ZPBP: variants seen among roughly 807,000 people sequenced by gnomAD.
ZPBP encodes the protein zona pellucida-binding protein 1.
A neutral mutation model predicts 44.8 loss-of-function variants in ZPBP; 26 were observed. That is an observed-to-expected ratio of 0.58 (90% CI 0.43 to 0.81). The LOEUF (loss-of-function observed/expected upper bound fraction) is 0.81. ZPBP is among the 30% of genes least tolerant of loss of function. The pLI, the probability that ZPBP is intolerant of heterozygous loss-of-function variation, is 0.00. For synonymous variants in ZPBP, 174 were observed against 153.2 expected, an observed-to-expected ratio of 1.14 and a Z score of -1.00; for missense variants, 409 against 434.0, an observed-to-expected ratio of 0.94 and a Z score of 0.51.
At chr7:49,966,534 A>T (rs1347917577) in intron 7 of ZPBP, among the ~76,000 whole-genome samples, 3 of 152,212 alleles carry the variant, frequency 2.0e-5, no homozygotes, top group Non-Finnish European at 4.4e-5. Context: ...CATAAAACAG[A>T]AATCTCGGGA....
At chr7:50,045,810 T>C (rs1480495046) in intron 4 of ZPBP, among the ~76,000 whole-genome samples, 3 of 146,036 alleles carry the variant, frequency 2.1e-5, no homozygotes, top group Non-Finnish European at 4.6e-5. Flanking sequence ...AAATTTCATA[T>C]GGAACCAAAA....
chr7:50,044,956 C>T (rs1337076041), intron 4 of ZPBP, among the ~76,000 whole-genome samples: 1 of 152,208 alleles, frequency 6.6e-6, no homozygotes, highest in Non-Finnish European at 1.5e-5. Flanking sequence ...CCACCACGAT[C>T]AAGTCAGCTT....
chr7:49,986,040 C>G (rs566145234), intron 6 of ZPBP, among the ~76,000 whole-genome samples: 1 of 152,184 alleles, frequency 6.6e-6, no homozygotes, highest in South Asian at 2.1e-4. Context: ...GTCCATGCAC[C>G]TAATTTTTCC....
At chr7:49,847,686 A>G (rs190938617), downstream of ZPBP, among the ~76,000 whole-genome samples, 37 of 152,328 alleles carry the variant, frequency 2.4e-4, no homozygotes, top group East Asian at 6.6e-3. Flanking sequence ...AAAAGCCCTC[A>G]TGGTGGCTTC....
Position 50,031,183 on chromosome 7 carries a change from A to C in ZPBP, c.615T>G (p.Leu205=), listed in dbSNP as rs1467465724. ...ACTTAAGTAAGGAAATTTCACATGA[A>C]AGGTCAAGAAGCAGTTTGCTTAAAA... ...LQILSKLLLD[L]SCEISLLKSE... Residue 205 remains leucine (L), a synonymous_variant, in exon 5 of 8, where the codon CTT becomes CTG. Transcript: ENST00000046087. The C allele has an allele frequency of 2.5e-6, 4 of 1,613,622 alleles. No individual in the cohort carries two copies. Among genetic ancestry groups the C allele is most frequent in the Non-Finnish European group, 2.5e-6 (3 of 1,179,844 alleles).
chr7:50,040,515 C>A (rs554105109), intron 4 of ZPBP, among the ~76,000 whole-genome samples: 2 of 152,118 alleles, frequency 1.3e-5, no homozygotes, highest in Non-Finnish European at 2.9e-5. Flanking sequence ...CTACAGTGGG[C>A]GAGCTGAAGC....
At chr7:49,914,959 A>C (rs1793639088) in intron 1 of ZPBP, 1 of 152,224 alleles carries the variant, frequency 6.6e-6, no homozygotes, top group Non-Finnish European at 1.5e-5. Context: ...TCAAGTTAAT[A>C]AACTAAATCG....
chr7:50,045,410 C>G (rs1041070417), intron 4 of ZPBP, among the ~76,000 whole-genome samples: 6 of 152,190 alleles, frequency 3.9e-5, no homozygotes, highest in Non-Finnish European at 7.3e-5. Flanking sequence ...CCCATCATCT[C>G]AGACCCAAAT....
chr7:49,928,742 T>C (rs947007948), intron 1 of ZPBP, among the ~76,000 whole-genome samples: 1 of 152,150 alleles, frequency 6.6e-6, no homozygotes, highest in Non-Finnish European at 1.5e-5. Context: ...TCCCAGTGGA[T>C]GGAAGAGTGC....
chr7:50,010,259 T>C (rs1169715400), intron 6 of ZPBP, among the ~76,000 whole-genome samples: 1 of 151,496 alleles, frequency 6.6e-6, no homozygotes, highest in Non-Finnish European at 1.5e-5. Flanking sequence ...CAAGACCATG[T>C]GATATTAGAA....
intron 3 of ZPBP, among the ~76,000 whole-genome samples, chr7:50,067,124 AT>A (rs929801248): frequency 2.2e-4 from 33 of 151,830 alleles, no homozygotes; most frequent in African/African-American, 6.8e-4. Flanking sequence ...ACTTACACGC[AT>A]TTTTTTTCAT....
chr7:49,846,971 A>C (rs2128715069), downstream of ZPBP, among the ~76,000 whole-genome samples: 1 of 152,332 alleles, frequency 6.6e-6, no homozygotes, highest in Admixed American at 6.5e-5. Flanking sequence ...TGAATTATTC[A>C]GTGTGAGGCT....
At chr7:49,843,428 G>A in the ZPBP span, among the ~76,000 whole-genome samples, 2 of 152,144 alleles carry the variant, frequency 1.3e-5, no homozygotes. Flanking sequence ...TTGTTTATAT[G>A]TGCCAATTTC....
intron 7 of ZPBP, among the ~76,000 whole-genome samples, chr7:49,979,250 T>C (rs1342822214): frequency 6.6e-6 from 1 of 151,892 alleles, no homozygotes; most frequent in Admixed American, 6.6e-5. Context: ...TTGTGATCTA[T>C]CCTATTGCAA....
intron 7 of ZPBP, among the ~76,000 whole-genome samples, chr7:49,957,444 T>C (rs774458810): frequency 1.3e-5 from 2 of 152,156 alleles, no homozygotes; most frequent in Non-Finnish European, 2.9e-5. Flanking sequence ...CGAGGCTTGC[T>C]TCCCAGGGAA....
intron 2 of ZPBP, among the ~76,000 whole-genome samples, chr7:49,885,251 AAT>A (rs1416740750): frequency 1.5e-4 from 23 of 152,272 alleles, no homozygotes; most frequent in African/African-American, 5.5e-4. Flanking sequence ...AAAAGCGAGT[AAT>A]ATGTCTCTAG....
intron 2 of ZPBP, among the ~76,000 whole-genome samples, chr7:49,891,013 T>G (rs1792104418): frequency 6.6e-6 from 1 of 152,142 alleles, no homozygotes; most frequent in Non-Finnish European, 1.5e-5. Flanking sequence ...GGCCATAGAT[T>G]TAAGCCAAAT....
At chr7:50,062,865 A>C (rs190665065) in intron 3 of ZPBP, among the ~76,000 whole-genome samples, 2 of 152,310 alleles carry the variant, frequency 1.3e-5, no homozygotes, top group East Asian at 3.9e-4. Context: ...CTGGATTGAT[A>C]AGGAATCAGA....
chr7:49,962,159 G>A (rs1487219278), intron 7 of ZPBP, among the ~76,000 whole-genome samples: 2 of 151,854 alleles, frequency 1.3e-5, no homozygotes, highest in African/African-American at 4.8e-5. Flanking sequence ...TGAAACAGCA[G>A]TGCCCTAATA....
Sources: allele counts gnomAD v4.1 joint callset (sites outside exome capture counted in the v4.1 genomes callset), GRCh38; gene constraint gnomAD v4.1.1; transcripts MANE v1.5; gene names NCBI Gene and HGNC (gene_info 2026-07-23, HGNC 2026-07-21).